The following KLHL26 variants were observed in gnomAD, a reference collection of about 807,000 sequenced individuals.
The protein encoded by KLHL26 is kelch like family member 26.
In KLHL26, 4 loss-of-function variants were observed where a neutral mutation model predicts 7.1. The ratio of observed to expected loss-of-function variants is 0.56; its 90% CI spans 0.28 to 1.28. The LOEUF (loss-of-function observed/expected upper bound fraction) is 1.28, where lower values mean the gene tolerates loss of function less well. KLHL26 is among the 50% of genes most tolerant of loss of function. The probability of loss-of-function intolerance (pLI) is 0.11; values close to 1 mark genes in which losing one functional copy is unlikely to be tolerated. For missense variants in KLHL26, 896 were observed against 924.6 expected (o/e 0.97, Z 0.40); for synonymous variants, 465 against 414.1 (o/e 1.12, Z -1.49).
chr19:18,668,664 C>A lies in KLHL26; in HGVS notation c.1267C>A (p.Arg423=). The A allele has an allele frequency of 2.6e-6, 4 of 1,567,550 alleles. No homozygotes were observed. Among genetic ancestry groups the A allele is most frequent in the Non-Finnish European group, 3.4e-6 (4 of 1,161,266 alleles). The change falls in exon 3 of 3, where the codon CGA becomes AGA. Residue 423 remains arginine, a synonymous_variant. Coordinates refer to ENST00000300976, the MANE Select transcript of KLHL26 (RefSeq NM_018316.3). ...GGTGTACGCCACGGGCGGCCGCAAC[C>A]GAGCCGGCAGCCTGGCCTCCGTGGA... ...GMVYATGGRN[R]AGSLASVERY...
At chr19:18,651,457 C>T (rs1179893064) in intron 1 of KLHL26, among the ~76,000 whole-genome samples, 2 of 152,214 alleles carry the variant, frequency 1.3e-5, no homozygotes, top group African/African-American at 2.4e-5. Context: ...TGGGGCTGAG[C>T]ATAGAGAAGA....
intron 1 of KLHL26, among the ~76,000 whole-genome samples, chr19:18,654,497 C>A (rs2052306962): frequency 6.6e-6 from 1 of 151,756 alleles, no homozygotes; most frequent in South Asian, 2.1e-4. Context: ...ATCCACCCAT[C>A]CACCAACCTA....
In KLHL26 at chr19:18,670,807, A is replaced by C. The variant is rs1291553707; in HGVS notation, c.*1562A>C. ...CTGCAACCTCTGCCTCCTGGGTTCA[A>C]GCAATTCACCTGCCTCAGCCTCCCA... On this transcript the variant is annotated 3_prime_UTR_variant, in exon 3 of 3. Coordinates refer to ENST00000300976, the MANE Select transcript of KLHL26 (RefSeq NM_018316.3). 1 of 152,296 alleles carries C rather than the reference A, an allele frequency of 6.6e-6. No homozygotes were observed. Among genetic ancestry groups the C allele is most frequent in the Non-Finnish European group, 1.5e-5 (1 of 68,152 alleles). 9.4% of individuals were successfully genotyped at this position (152,296 alleles called of 1,614,324 possible).
rs766428065 is a variant in KLHL26 at position 18,637,838 on chromosome 19, A to G, written c.83+701A>G. Among the ~76,000 whole-genome samples the G allele has an allele frequency of 2.3e-4, 35 of 152,146 alleles. 1 individual carries two copies. Among genetic ancestry groups the G allele is most frequent in the South Asian group, 8.3e-4 (4 of 4,824 alleles). ...CCAAATCCACATCCCCAACAGGCTA[A>G]AGGACTTACAGAAAGGTCTTGCCCT... On this transcript the variant is annotated intron_variant, in intron 1 of 2. Coordinates refer to ENST00000300976, the MANE Select transcript of KLHL26 (RefSeq NM_018316.3).
At chr19:18,657,522 TTGTCTC>T (rs1456353831) in intron 1 of KLHL26, among the ~76,000 whole-genome samples, 2 of 151,088 alleles carry the variant, frequency 1.3e-5, no homozygotes, top group Non-Finnish European at 3.0e-5. Context: ...CTCTGTCTCT[TTGTCTC>T]TGTTGCCATC....
chr19:18,655,313 C>T (rs1455288708), intron 1 of KLHL26, among the ~76,000 whole-genome samples: 3 of 152,190 alleles, frequency 2.0e-5, no homozygotes, highest in East Asian at 3.8e-4. Flanking sequence ...AGAGCCTTGG[C>T]GAGCTGTCTC....
chr19:18,640,946 A>G (rs1047650187), intron 1 of KLHL26, among the ~76,000 whole-genome samples: 7 of 151,956 alleles, frequency 4.6e-5, no homozygotes, highest in African/African-American at 7.3e-5. Context: ...ATCCTCACTA[A>G]CACCTGGTAT....
At chr19:18,666,121 C>A (rs1176126906) in intron 2 of KLHL26, among the ~76,000 whole-genome samples, 1 of 152,238 alleles carries the variant, frequency 6.6e-6, no homozygotes, top group African/African-American at 2.4e-5. Context: ...GCATCATGCC[C>A]GAGGGCCAGC....
Position 18,669,529 on chromosome 19 carries a change from A to G in KLHL26, c.*284A>G. On this transcript the variant is annotated 3_prime_UTR_variant, in exon 3 of 3. Transcript: ENST00000300976. ...TTCCTCGCCTGGCCCCCGAGTCCCC[A>G]CGGGCTGGCGGGTGGAATCCCAGGT... The G allele has an allele frequency of 1.8e-6, 1 of 561,888 alleles. No homozygotes were observed. The highest frequency in any genetic ancestry group is 3.1e-6 in the Non-Finnish European group (1 of 318,852). The allele number at this position is 561,888 out of a possible 1,614,324, so 34.8% of individuals were successfully genotyped here. A position where few individuals can be genotyped will look rare whatever the true frequency, so the allele number is the denominator to read the frequency against.
intron 1 of KLHL26, among the ~76,000 whole-genome samples, chr19:18,654,416 C>T (rs544203123): frequency 2.0e-5 from 3 of 150,066 alleles, no homozygotes; most frequent in African/African-American, 7.4e-5. Context: ...CTTCCATCTA[C>T]TCACCTATCA....
chr19:18,654,859 C>T (rs1164998224), intron 1 of KLHL26, among the ~76,000 whole-genome samples: 3 of 152,194 alleles, frequency 2.0e-5, no homozygotes. Flanking sequence ...CATCCATCTA[C>T]CTGTCCATTC....
rs953492870 is a variant in KLHL26 at position 18,656,426 on chromosome 19, G to A, written c.84-7835G>A. On this transcript the variant is annotated intron_variant, in intron 1 of 2. Transcript: ENST00000300976. This position sits in a 1 kb window ranked among gnomAD's most constrained non-coding sequence, Gnocchi z 4.4. ...TCTCTGAGCCTTGGCGTCCCTGGCCGTCACTTGGCTGTCTGGGGGTGCCAG... is the reference window on the plus strand; with the variant it reads ...TCTCTGAGCCTTGGCGTCCCTGGCCATCACTTGGCTGTCTGGGGGTGCCAG... Among the ~76,000 whole-genome samples the A allele has an allele frequency of 1.7e-4, 12 of 72,362 alleles. No individual in the cohort carries two copies. The highest frequency in any genetic ancestry group is 1.3e-3 in the African/African-American group (10 of 7,554). The allele number at this position is 72,362 out of a possible 152,430, so 47.5% of individuals were successfully genotyped here.
At chr19:18,637,181 C>T in intron 1 of KLHL26, 44 bp downstream of exon 1, 1 of 1,276,142 alleles carries the variant, frequency 7.8e-7, no homozygotes, top group Non-Finnish European at 9.9e-7. Context: ...GTCTTGGAGC[C>T]CAGGAAACCT....
chr19:18,651,117 G>A (rs764993299), intron 1 of KLHL26, among the ~76,000 whole-genome samples: 4 of 152,152 alleles, frequency 2.6e-5, no homozygotes, highest in Non-Finnish European at 5.9e-5. Flanking sequence ...GGAGACACCC[G>A]GTTTTAGGTA....
Position 18,649,680 on chromosome 19 carries a change from C to T in KLHL26, c.83+12543C>T, listed in dbSNP as rs1976867868. Among the ~76,000 whole-genome samples, 1 of 152,224 alleles carries T rather than the reference C, an allele frequency of 6.6e-6. No individual in the cohort carries two copies. Among genetic ancestry groups the T allele is most frequent in the South Asian group, 2.1e-4 (1 of 4,836 alleles). Reference sequence around the variant, plus strand: ...TCCCGCTGCCGGCAGCCCCGCCCTCCTCCTCTGGTAGCCGCTCTGCAGCTG... The same window carrying T: ...TCCCGCTGCCGGCAGCCCCGCCCTCTTCCTCTGGTAGCCGCTCTGCAGCTG... On this transcript the variant is annotated intron_variant, in intron 1 of 2. Transcript: ENST00000300976. The surrounding 1 kb of genome is among the most constrained non-coding windows in gnomAD (Gnocchi z 4.0).
At chr19:18,651,419 G>A (rs1388549885) in intron 1 of KLHL26, among the ~76,000 whole-genome samples, 1 of 152,228 alleles carries the variant, frequency 6.6e-6, no homozygotes, top group Non-Finnish European at 1.5e-5. Flanking sequence ...TTTCAGCCCA[G>A]CAATGGGATC....
intron 1 of KLHL26, among the ~76,000 whole-genome samples, chr19:18,653,954 CCCACCCATCCATCCACCCATCCACCCA>C (rs2052295331): frequency 9.6e-6 from 1 of 104,042 alleles, no homozygotes; most frequent in Admixed American, 9.9e-5. Flanking sequence ...TGTCCACCCA[CCCACCCATCCATCCACCCATCCACCCA>C]CGCTTCCATC....
rs184812776 is a variant in KLHL26, at chr19:18,646,425, T to C, written c.83+9288T>C. 7.9e-4 allele frequency among the ~76,000 whole-genome samples: 121 copies of C among 152,326 alleles called. No individual in the cohort carries two copies. The highest frequency in any genetic ancestry group is 2.8e-3 in the African/African-American group (117 of 41,580). On this transcript the variant is annotated intron_variant, in intron 1 of 2. Transcript: ENST00000300976. The surrounding 1 kb of genome is among the most constrained non-coding windows in gnomAD (Gnocchi z 5.0). ...GCATGAGCCAGTGCGCCCGGCCTCATGCCCCTTTCAGAAGGAGGATTTTGA... is the reference window on the plus strand; with the variant it reads ...GCATGAGCCAGTGCGCCCGGCCTCACGCCCCTTTCAGAAGGAGGATTTTGA...
chr19:18,654,014 CCCTT>C (rs1237481837), intron 1 of KLHL26, among the ~76,000 whole-genome samples: 1 of 123,094 alleles, frequency 8.1e-6, no homozygotes, highest in Non-Finnish European at 1.7e-5. Context: ...CATCCACCCA[CCCTT>C]CCATCCATCC....
Sources: gnomAD v4.1 joint callset for allele counts (sites outside exome capture counted in the v4.1 genomes callset) on GRCh38, gnomAD v4.1.1 for gene constraint, Gnocchi (gnomAD v3.1) non-coding constraint, MANE v1.5 for transcripts, NCBI Gene and HGNC (gene_info 2026-07-23, HGNC 2026-07-21) for gene names.